NUP210L: variants seen among roughly 807,000 people sequenced by gnomAD.
The protein encoded by NUP210L is nucleoporin 210 like.
Under a neutral mutation model 208.5 loss-of-function variants are expected in NUP210L, and 74 were observed. That is an observed-to-expected ratio of 0.35 (90% CI 0.29 to 0.43). The LOEUF (loss-of-function observed/expected upper bound fraction) is 0.43, where lower values mean the gene tolerates loss of function less well. Ranked by LOEUF, NUP210L falls within the 20% of genes least tolerant of loss-of-function variation. The probability of loss-of-function intolerance (pLI) is 1.00; values close to 1 mark genes in which losing one functional copy is unlikely to be tolerated. For synonymous variants in NUP210L, 780 were observed against 816.9 expected (o/e 0.95, Z 0.77); for missense variants, 1,843 against 2,289.4 (o/e 0.81, Z 3.98).
At chr1:154,023,323 C>T (rs1418839923) in intron 30 of NUP210L, 26 bp from the exon 31 acceptor site, 10 of 1,576,624 alleles carry the variant, frequency 6.3e-6, no homozygotes, top group South Asian at 1.2e-5. Flanking sequence ...CCTACTGGTA[C>T]AGAGAAAGAT....
At chr1:154,047,223 G>A (rs1653235231) in intron 25 of NUP210L, among the ~76,000 whole-genome samples, 2 of 151,824 alleles carry the variant, frequency 1.3e-5, no homozygotes, top group African/African-American at 2.4e-5. Context: ...ATAAGTTATT[G>A]TTTATTTAAA....
intron 33 of NUP210L, 137 bp downstream of exon 33, chr1:154,018,796 C>T: frequency 1.1e-6 from 1 of 927,506 alleles, no homozygotes; most frequent in Non-Finnish European, 1.6e-6. Flanking sequence ...GCTTTGTGTT[C>T]CAGTAAAGTT....
At chr1:154,049,307 A>C (rs1459367722) in intron 25 of NUP210L, among the ~76,000 whole-genome samples, 1 of 152,188 alleles carries the variant, frequency 6.6e-6, no homozygotes, top group Non-Finnish European at 1.5e-5. Flanking sequence ...GGGGAGCACA[A>C]GTTCTAATTC....
At chr1:154,146,985 G>A (rs1659152656) in intron 2 of NUP210L, among the ~76,000 whole-genome samples, 1 of 151,986 alleles carries the variant, frequency 6.6e-6, no homozygotes, top group Non-Finnish European at 1.5e-5. Flanking sequence ...CACCGCACCT[G>A]GCTAATTTTT....
chr1:154,126,667 G>T (rs1008081200), intron 9 of NUP210L, among the ~76,000 whole-genome samples: 1 of 152,118 alleles, frequency 6.6e-6, no homozygotes, highest in Non-Finnish European at 1.5e-5. Context: ...ATCTATCAAT[G>T]GCAAACATCA....
At chr1:154,100,253 C>A (rs552703933) in intron 13 of NUP210L, 110 bp from the exon 14 acceptor site, 35 of 938,318 alleles carry the variant, frequency 3.7e-5, no homozygotes, top group Non-Finnish European at 5.6e-5. Context: ...AGTTTAAGAC[C>A]CGCCTGAAAA....
chr1:154,115,397 T>C (rs1657270660), intron 12 of NUP210L, among the ~76,000 whole-genome samples: 1 of 152,204 alleles, frequency 6.6e-6, no homozygotes, highest in African/African-American at 2.4e-5. Context: ...AGACAATATG[T>C]AAATGAATGG....
chr1:154,142,620 G>C (rs1658911057), intron 3 of NUP210L, among the ~76,000 whole-genome samples: 1 of 152,180 alleles, frequency 6.6e-6, no homozygotes, highest in Non-Finnish European at 1.5e-5. Context: ...GGCCAGTGCG[G>C]TGGCTCATGC....
chr1:154,028,540 T>C (rs931114450), intron 28 of NUP210L, among the ~76,000 whole-genome samples: 1 of 152,028 alleles, frequency 6.6e-6, no homozygotes, highest in African/African-American at 2.4e-5. Context: ...TGAGGCGAGA[T>C]CATGCTACTG....
chr1:154,142,390 C>A (rs1428872474), intron 3 of NUP210L, among the ~76,000 whole-genome samples: 1 of 151,706 alleles, frequency 6.6e-6, no homozygotes, highest in Non-Finnish European at 1.5e-5. Flanking sequence ...TTTTTTAATA[C>A]CTCATTATAG....
chr1:154,107,743 A>G (rs1656842727), intron 12 of NUP210L, among the ~76,000 whole-genome samples: 1 of 150,616 alleles, frequency 6.6e-6, no homozygotes, highest in African/African-American at 2.4e-5. Flanking sequence ...GGCGCATGCT[A>G]TAATCCCAGC....
intron 12 of NUP210L, among the ~76,000 whole-genome samples, chr1:154,106,072 C>T (rs1049071621): frequency 3.9e-5 from 6 of 151,934 alleles, no homozygotes; most frequent in Non-Finnish European, 7.4e-5. Flanking sequence ...ACCAGCCTGG[C>T]CAATATGGTG....
chr1:154,037,856 G>A (rs952623737), intron 27 of NUP210L, among the ~76,000 whole-genome samples: 1 of 151,900 alleles, frequency 6.6e-6, no homozygotes, highest in African/African-American at 2.4e-5. Context: ...GGCCTCAAGT[G>A]ATCCACCCAA....
Position 154,131,843 on chromosome 1 carries a change from C to T in NUP210L, c.1010-2498G>A, listed in dbSNP as rs536847361. On this transcript the variant is annotated intron_variant, in intron 7 of 39. Transcript: ENST00000368559. ...TAGTTGAGACTCAGTTTCACTCCGT[C>T]GCCCAGGCTGGGGTGCAGTGGTGCC... Among the ~76,000 whole-genome samples, 84 of 152,152 alleles carry T rather than the reference C, an allele frequency of 5.5e-4. 1 individual carries two copies. The highest frequency in any genetic ancestry group is 2.3e-3 in the Admixed American group (35 of 15,270).
intron 4 of NUP210L, among the ~76,000 whole-genome samples, chr1:154,141,200 A>T (rs1004299830): frequency 2.6e-5 from 4 of 152,206 alleles, no homozygotes; most frequent in Admixed American, 2.0e-4. Context: ...ATTGTGTAGT[A>T]CTTAGCCCAT....
intron 28 of NUP210L, among the ~76,000 whole-genome samples, chr1:154,028,384 T>G (rs1042578776): frequency 6.6e-6 from 1 of 152,130 alleles, no homozygotes; most frequent in Admixed American, 6.6e-5. Context: ...GTTAGGAGTT[T>G]GAGACCAGCC....
intron 27 of NUP210L, among the ~76,000 whole-genome samples, chr1:154,042,789 C>T (rs1226375290): frequency 2.0e-5 from 3 of 151,656 alleles, no homozygotes; most frequent in Non-Finnish European, 2.9e-5. Context: ...GGTGCAATCT[C>T]GGCTCACTGC....
intron 27 of NUP210L, among the ~76,000 whole-genome samples, chr1:154,038,729 G>A (rs1282418389): frequency 6.6e-6 from 1 of 152,108 alleles, no homozygotes; most frequent in Admixed American, 6.6e-5. Flanking sequence ...CCAAAGTGCT[G>A]GGATTATAGG....
intron 10 of NUP210L, among the ~76,000 whole-genome samples, chr1:154,119,607 C>CA (rs1296833072): frequency 6.6e-6 from 1 of 151,866 alleles, no homozygotes; most frequent in Non-Finnish European, 1.5e-5. Flanking sequence ...AACAAACAAA[C>CA]AAAAAACCAA....
Sources: gnomAD v4.1 joint callset for allele counts (sites outside exome capture counted in the v4.1 genomes callset) on GRCh38, gnomAD v4.1.1 for gene constraint, MANE v1.5 for transcripts, NCBI Gene and HGNC (gene_info 2026-07-23, HGNC 2026-07-21) for gene names.